Variants in FNIP2 observed in about 807,000 individuals in gnomAD.
FNIP2 encodes folliculin interacting protein 2, also known as folliculin-interacting protein 2.
In FNIP2, 32 loss-of-function variants were observed where a neutral mutation model predicts 108.7. The ratio of observed to expected loss-of-function variants is 0.29; its 90% CI spans 0.22 to 0.40. The LOEUF (loss-of-function observed/expected upper bound fraction) is 0.40, where lower values mean the gene tolerates loss of function less well. FNIP2 is among the 10% of genes least tolerant of loss of function. FNIP2 has a pLI of 1.00. For synonymous variants in FNIP2, 480 were observed against 496.7 expected, an observed-to-expected ratio of 0.97 and a Z score of 0.45; for missense variants, 1,202 against 1,381.6, an observed-to-expected ratio of 0.87 and a Z score of 2.06.
At chr4:158,895,669 G>A in intron 15 of FNIP2, 81 bp from the exon 16 acceptor site, 1 of 858,846 alleles carries the variant, frequency 1.2e-6, no homozygotes. Flanking sequence ...AGTTAGAAAT[G>A]AATTAAGAAA....
chr4:158,858,934 C>G (rs770820003), intron 8 of FNIP2, 123 bp from the exon 9 acceptor site: 38 of 750,632 alleles, frequency 5.1e-5, no homozygotes, highest in Non-Finnish European at 7.7e-5. Flanking sequence ...AAAGAATGAA[C>G]TAAAGGCAGA....
At chr4:158,776,536 C>T (rs1046348927) in intron 1 of FNIP2, among the ~76,000 whole-genome samples, 4 of 152,222 alleles carry the variant, frequency 2.6e-5, no homozygotes, top group African/African-American at 9.6e-5. Flanking sequence ...TCATTCATTT[C>T]TTCATTAGCT....
At chr4:158,880,902 G>A (rs1481697806) in intron 14 of FNIP2, among the ~76,000 whole-genome samples, 1 of 152,114 alleles carries the variant, frequency 6.6e-6, no homozygotes, top group African/African-American at 2.4e-5. Flanking sequence ...TACCAAAGGG[G>A]ATCTGAGGAC....
intron 3 of FNIP2, 59 bp downstream of exon 3, chr4:158,829,284 CT>C: frequency 6.9e-7 from 1 of 1,439,378 alleles, no homozygotes; most frequent in Non-Finnish European, 9.3e-7. Flanking sequence ...ACTGTAATTT[CT>C]CCTTGGGAAA....
chr4:158,873,262 TA>T (rs1560821756), intron 14 of FNIP2, among the ~76,000 whole-genome samples: 1 of 152,266 alleles, frequency 6.6e-6, no homozygotes, highest in Non-Finnish European at 1.5e-5. Flanking sequence ...TTTAACTGTT[TA>T]AAAGCAATTG....
At chr4:158,771,896 G>A (rs1775710921) in intron 1 of FNIP2, among the ~76,000 whole-genome samples, 2 of 152,126 alleles carry the variant, frequency 1.3e-5, no homozygotes, top group Admixed American at 1.3e-4. Flanking sequence ...TCCCTTCGCT[G>A]GGCTTATGAC....
At chr4:158,873,139 T>G (rs1191258598) in intron 14 of FNIP2, among the ~76,000 whole-genome samples, 1 of 146,990 alleles carries the variant, frequency 6.8e-6, no homozygotes, top group Non-Finnish European at 1.5e-5. Context: ...AAAAATAAAA[T>G]AGCGTTAAAA....
At chr4:158,786,688 G>T (rs4334711) in intron 1 of FNIP2, among the ~76,000 whole-genome samples, 3 of 152,044 alleles carry the variant, frequency 2.0e-5, no homozygotes, top group East Asian at 1.9e-4. Context: ...AGCTCGGTTT[G>T]GGAAAAGGTG....
intron 6 of FNIP2, chr4:158,834,324 C>CTCAT (rs1778666958): frequency 6.7e-6 from 1 of 150,332 alleles, no homozygotes; most frequent in South Asian, 2.1e-4. Context: ...CTCTCTCTCT[C>CTCAT]TCTCTCCCTC....
chr4:158,829,793 G>A (rs1343208704), intron 3 of FNIP2, among the ~76,000 whole-genome samples: 1 of 152,060 alleles, frequency 6.6e-6, no homozygotes, highest in South Asian at 2.1e-4. Context: ...TAAAAAGGAA[G>A]AAATGTTTTA....
intron 1 of FNIP2, among the ~76,000 whole-genome samples, chr4:158,787,883 C>T (rs918507844): frequency 1.3e-5 from 2 of 152,172 alleles, no homozygotes; most frequent in Non-Finnish European, 2.9e-5. Context: ...GCGAATTTGT[C>T]TCAGTTCCTC....
chr4:158,886,411 A>G (rs1242967531), intron 14 of FNIP2, among the ~76,000 whole-genome samples: 1 of 152,114 alleles, frequency 6.6e-6, no homozygotes, highest in African/African-American at 2.4e-5. Context: ...TTTCCGAGTT[A>G]CCCAATTAAG....
At chr4:158,779,457 A>G (rs545130553) in intron 1 of FNIP2, among the ~76,000 whole-genome samples, 7 of 152,316 alleles carry the variant, frequency 4.6e-5, no homozygotes, top group Non-Finnish European at 5.9e-5. Context: ...TGAATATATT[A>G]GTAAAATATG....
At chr4:158,838,383 G>A (rs886189546) in intron 7 of FNIP2, among the ~76,000 whole-genome samples, 1 of 151,884 alleles carries the variant, frequency 6.6e-6, no homozygotes, top group Non-Finnish European at 1.5e-5. Context: ...ACCACACCTG[G>A]CTAATTTTTA....
At chr4:158,876,244 T>C (rs1328390165) in intron 14 of FNIP2, among the ~76,000 whole-genome samples, 3 of 152,220 alleles carry the variant, frequency 2.0e-5, no homozygotes, top group East Asian at 3.8e-4. Context: ...TGTGTCCACT[T>C]TACCCACTTC....
At chr4:158,807,005 G>A (rs968957536) in intron 1 of FNIP2, among the ~76,000 whole-genome samples, 3 of 152,100 alleles carry the variant, frequency 2.0e-5, no homozygotes, top group African/African-American at 7.2e-5. Flanking sequence ...TTTCATCCAC[G>A]TTCTTCCGTT....
At chr4:158,867,926 CACTT>C (rs1416511227) in intron 12 of FNIP2, among the ~76,000 whole-genome samples, 172 bp from the exon 13 acceptor site, 1 of 152,244 alleles carries the variant, frequency 6.6e-6, no homozygotes, top group Non-Finnish European at 1.5e-5. Flanking sequence ...CAGACTGACT[CACTT>C]ACAGTGGCAA....
At chr4:158,787,575 A>G (rs1374314860) in intron 1 of FNIP2, among the ~76,000 whole-genome samples, 1 of 152,184 alleles carries the variant, frequency 6.6e-6, no homozygotes, top group African/African-American at 2.4e-5. Context: ...TTCCTGCATC[A>G]CACCTCAGCC....
intron 14 of FNIP2, among the ~76,000 whole-genome samples, chr4:158,883,191 A>G (rs943165477): frequency 6.6e-6 from 1 of 151,912 alleles, no homozygotes; most frequent in Non-Finnish European, 1.5e-5. Context: ...AAGTGCTTCC[A>G]ATTACCTGAA....
Sources: allele counts gnomAD v4.1 joint callset (sites outside exome capture counted in the v4.1 genomes callset), GRCh38; gene constraint gnomAD v4.1.1; transcripts MANE v1.5; gene names NCBI Gene and HGNC (gene_info 2026-07-23, HGNC 2026-07-21).